Variants in KCNA4 observed in about 807,000 individuals in gnomAD.
KCNA4 encodes potassium voltage-gated channel subfamily A member 4.
KCNA4 carries 5 observed loss-of-function variants against 37.2 expected under a neutral mutation model. The observed-to-expected ratio is 0.13, with a 90% CI of 0.07 to 0.28. The LOEUF is 0.28. Ranked by LOEUF, KCNA4 falls within the 10% of genes least tolerant of loss-of-function variation. The pLI is 1.00. For missense variants in KCNA4, 634 were observed against 817.4 expected (o/e 0.78, Z 2.74); for synonymous variants, 350 against 311.8 (o/e 1.12, Z -1.29).
intron 1 of KCNA4, among the ~76,000 whole-genome samples, chr11:30,016,037 G>A (rs1246257321): frequency 6.6e-6 from 1 of 152,076 alleles, no homozygotes; most frequent in Non-Finnish European, 1.5e-5. Flanking sequence ...GAGAAACTGA[G>A]AGAGGGAATC....
rs1331393730 is a variant in KCNA4, at chr11:30,013,403, G to C, written c.-725C>G. 6.0e-6 allele frequency: 1 copy of C among 167,000 alleles called. No individual in the cohort carries two copies. The highest frequency in any genetic ancestry group is 1.5e-5 in the Non-Finnish European group (1 of 68,124). The allele number at this position is 167,000 out of a possible 1,614,324, so 10.3% of individuals were successfully genotyped here. On this transcript the variant is annotated 5_prime_UTR_variant, in exon 2 of 2. Coordinates refer to ENST00000328224, the MANE Select transcript of KCNA4 (RefSeq NM_002233.4). ...CAAAACCAGCTCTGAGGTCTCCATA[G>C]AAATCAAGGAAATGCAGAGCATTCT...
At chr11:30,013,858 T>C (rs1163435109) in intron 1 of KCNA4, among the ~76,000 whole-genome samples, 3 of 152,174 alleles carry the variant, frequency 2.0e-5, no homozygotes, top group Non-Finnish European at 4.4e-5. Context: ...AGGCAATTTT[T>C]AAAATTTCCA....
At position 30,012,742 on chromosome 11, in the gene KCNA4, C is replaced by G; in HGVS notation, c.-64G>C. The G allele has an allele frequency of 1.3e-6, 2 of 1,505,680 alleles. No individual in the cohort carries two copies. Among genetic ancestry groups the G allele is most frequent in the Non-Finnish European group, 8.9e-7 (1 of 1,126,780 alleles). The allele number at this position is 1,505,680 out of a possible 1,614,324, so 93.3% of individuals were successfully genotyped here. On this transcript the variant is annotated 5_prime_UTR_variant, in exon 2 of 2. Transcript: ENST00000328224. ...AGAAGAAGAAAGAAAAATAGGGCAG[C>G]TTCTTTTCTCACCAAATTAAGGTAA...
At chr11:30,013,485 T>C (rs745740909) in intron 1 of KCNA4, 25 bp from the exon 2 acceptor site, 1 of 164,306 alleles carries the variant, frequency 6.1e-6, no homozygotes, top group African/African-American at 2.4e-5. Flanking sequence ...GAAAGAAGCA[T>C]AGGAGAAAAA....
chr11:30,012,050 T>G lies in KCNA4; in HGVS notation c.629A>C (p.Gln210Pro), dbSNP rs761742213. 3 of 1,614,200 alleles carry G rather than the reference T, an allele frequency of 1.9e-6. No individual in the cohort carries two copies. In the South Asian group the frequency reaches 3.3e-5, roughly 18 times the overall value. The change falls in exon 2 of 2, where the codon CAG becomes CCG. Residue 210 changes from glutamine to proline, a missense_variant. Gln to Pro is a moderately conservative substitution (Grantham distance 76, BLOSUM62 -1). Around this residue, in one of 8 missense-constraint regions of KCNA4, gnomAD observed 252 missense variants for 344.2 expected, o/e 0.73. Coordinates refer to ENST00000328224, the MANE Select transcript of KCNA4 (RefSeq NM_002233.4). The stretch of plus-strand genomic sequence containing the variant: ...CTCATTGCGCAAAGGGTCAAAGTAC[T>G]GAGTCCTCTTTTCAGGGTCTCCCAA... ...TLLGDPEKRT[Q>P]YFDPLRNEYF...
In KCNA4 at chr11:30,010,788, C is replaced by T. The variant is rs762072287; in HGVS notation, c.1891G>A (p.Gly631Arg). Residue 631 changes from glycine to arginine, a missense_variant, in exon 2 of 2, where the codon GGA becomes AGA. Transcript: ENST00000328224. ...SLCAKEEKCQ[G>R]KGDDSETDKN... ...TCTGTCTCACTGTCATCCCCCTTTC[C>T]CTGACACTTCTCCTCCTTTGCACAC... 1.2e-6 allele frequency: 2 copies of T among 1,614,184 alleles called. No individual in the cohort carries two copies. Among genetic ancestry groups the T allele is most frequent in the Non-Finnish European group, 1.7e-6 (2 of 1,180,034 alleles).
At chr11:30,016,035 G>A (rs1205711014) in intron 1 of KCNA4, among the ~76,000 whole-genome samples, 1 of 151,998 alleles carries the variant, frequency 6.6e-6, no homozygotes, top group Non-Finnish European at 1.5e-5. Flanking sequence ...GAGAGAAACT[G>A]AGAGAGGGAA....
At position 30,010,678 on chromosome 11, in the gene KCNA4, G is replaced by A. The variant is rs1850294406; in HGVS notation, c.*39C>T. ...CACTCTCTATGCATAAATATATTTGGAGATGCTGAGGGGGGAGCAGTGGCA... is the reference window on the plus strand; with the variant it reads ...CACTCTCTATGCATAAATATATTTGAAGATGCTGAGGGGGGAGCAGTGGCA... On this transcript the variant is annotated 3_prime_UTR_variant, in exon 2 of 2. Coordinates refer to ENST00000328224, the MANE Select transcript of KCNA4 (RefSeq NM_002233.4). The A allele has an allele frequency of 1.3e-6, 2 of 1,552,278 alleles. No individual in the cohort carries two copies. The highest frequency in any genetic ancestry group is 1.7e-6 in the Non-Finnish European group (2 of 1,154,254).
intron 1 of KCNA4, 36 bp from the exon 2 acceptor site, chr11:30,013,496 TA>T: frequency 1.2e-5 from 2 of 162,758 alleles, no homozygotes. Flanking sequence ...AGGAGAAAAA[TA>T]AAAAGGAAAC....
rs1364807757 is a variant in KCNA4 at position 30,012,170 on chromosome 11, C to T, written c.509G>A (p.Arg170His). ...CACACGTTCACAACAGTCACTGTAGCGGACTGAACTGTAGCCGCCACCGCC... is the reference window on the plus strand; with the variant it reads ...CACACGTTCACAACAGTCACTGTAGTGGACTGAACTGTAGCCGCCACCGCC... ...DEGGGGYSSV[R>H]YSDCCERVVI... The change falls in exon 2 of 2, where the codon CGC (arginine) becomes CAC (histidine). Residue 170 changes from arginine (R) to histidine (H), a missense_variant. By Grantham distance (29) the Arg-to-His change is conservative. This residue lies in a region of KCNA4 where 236 missense variants were observed against 229.5 expected (regional missense o/e 1.03). Coordinates refer to ENST00000328224, the MANE Select transcript of KCNA4 (RefSeq NM_002233.4). The T allele has an allele frequency of 3.7e-6, 6 of 1,614,000 alleles. No homozygotes were observed. Among genetic ancestry groups the T allele is most frequent in the Admixed American group, 3.3e-5 (2 of 60,012 alleles).
Position 30,012,612 on chromosome 11 carries a change from C to T in KCNA4, c.67G>A (p.Ala23Thr), listed in dbSNP as rs1438778471. 1 of 1,606,982 alleles carries T rather than the reference C, an allele frequency of 6.2e-7. No homozygotes were observed. The highest frequency in any genetic ancestry group is 1.7e-5 in the Admixed American group (1 of 59,786). The change falls in exon 2 of 2, where the codon GCC becomes ACC. Residue 23 changes from alanine (A) to threonine (T), a missense_variant. Ala to Thr is a moderately conservative substitution (Grantham distance 58, BLOSUM62 0). Around this residue, in one of 8 missense-constraint regions of KCNA4, gnomAD observed 236 missense variants for 229.5 expected, o/e 1.03. Coordinates refer to ENST00000328224, the MANE Select transcript of KCNA4 (RefSeq NM_002233.4). ...CNSHMPYGYA[A>T]QARARERERL... ...TCCCGCTCCCGGGCCCGGGCCTGGG[C>T]AGCATAACCATAAGGCATGTGACTG...
rs753020949 is a variant in KCNA4, at chr11:30,012,470, G to T, written c.209C>A (p.Ala70Asp). The change falls in exon 2 of 2, where the codon GCC becomes GAC. Residue 70 changes from alanine to aspartate, a missense_variant. This residue lies in a region of KCNA4 where 236 missense variants were observed against 229.5 expected (regional missense o/e 1.03). Coordinates refer to ENST00000328224, the MANE Select transcript of KCNA4 (RefSeq NM_002233.4). ...GSHHHHQSRGACTSHDPQSSR... is the reference protein window; with the variant it reads ...GSHHHHQSRGDCTSHDPQSSR... ...GCTCTGAGGGTCATGGGAGGTACAG[G>T]CCCCGCGTGACTGGTGGTGGTGGTG... 2.9e-5 allele frequency: 47 copies of T among 1,611,774 alleles called. No individual in the cohort carries two copies. The Admixed American group carries it at 6.8e-4, about 23-fold the overall frequency.
chr11:30,012,937 G>C lies in KCNA4; in HGVS notation c.-259C>G. 5.0e-6 allele frequency: 2 copies of C among 401,682 alleles called. No homozygotes were observed. Among genetic ancestry groups the C allele is most frequent in the East Asian group, 8.3e-5 (2 of 24,070 alleles). The allele number at this position is 401,682 out of a possible 1,614,324, so 24.9% of individuals were successfully genotyped here. ...AATAGCCTGGCACTCTCAAGACTAA[G>C]AAGTCCGAAAATGCTGGAGTCTCTC... On this transcript the variant is annotated 5_prime_UTR_variant, in exon 2 of 2. Coordinates refer to ENST00000328224, the MANE Select transcript of KCNA4 (RefSeq NM_002233.4).
At position 30,012,217 on chromosome 11, in the gene KCNA4, C is replaced by T. The variant is rs75865707; in HGVS notation, c.462G>A (p.Thr154=). ...EDDHGDECSY[T]DLLPQDEGGG... is the part of the protein sequence containing the mutation. ...CGCCCTCATCCTGAGGCAGCAGATC[C>T]GTGTAGGAACACTCATCACCATGGT... Residue 154 remains threonine (T), a synonymous_variant, in exon 2 of 2, where the codon ACG becomes ACA. Coordinates refer to ENST00000328224, the MANE Select transcript of KCNA4 (RefSeq NM_002233.4). 1,390 of 1,614,116 alleles carry T rather than the reference C, an allele frequency of 8.6e-4. 15 individuals are homozygous for T. In the Admixed American group the frequency reaches 0.019, roughly 22 times the overall value.
rs746714742 is a variant in KCNA4, at chr11:30,011,662, G to A, written c.1017C>T (p.Val339=). The A allele has an allele frequency of 1.9e-6, 3 of 1,614,098 alleles. No individual in the cohort carries two copies. The highest frequency in any genetic ancestry group is 2.2e-5 in the East Asian group (1 of 44,862). ...LPEFRDDRDL[V]MALSAGGHGG... is the part of the protein sequence containing the mutation. ...CATGCCCGCCAGCACTCAGTGCCAT[G>A]ACGAGATCCCTGTCGTCCCTAAACT... The change falls in exon 2 of 2, where the codon GTC becomes GTT. Residue 339 remains valine (V), a synonymous_variant. Transcript: ENST00000328224. The surrounding 1 kb of genome is among the most constrained non-coding windows in gnomAD (Gnocchi z 5.6).
At chr11:30,014,887 G>A (rs1554929216) in intron 1 of KCNA4, among the ~76,000 whole-genome samples, 2 of 152,090 alleles carry the variant, frequency 1.3e-5, no homozygotes, top group African/African-American at 2.4e-5. Context: ...TCTATTACTG[G>A]AAGCACTTGG....
rs1850290999 is a variant in KCNA4, at chr11:30,010,332, T to TA, written c.*384dup. The TA allele has an allele frequency of 5.3e-6, 1 of 190,468 alleles. No individual in the cohort carries two copies. The allele number at this position is 190,468 out of a possible 1,614,324, so 11.8% of individuals were successfully genotyped here. A position where few individuals can be genotyped will look rare whatever the true frequency, so the allele number is the denominator to read the frequency against. On this transcript the variant is annotated 3_prime_UTR_variant, in exon 2 of 2. Transcript: ENST00000328224. ...GATTCATTAGTTCTTACATAGTAAA[T>TA]ACTTCAAAATGCCAACTTTTCCCTT...
At position 30,011,703 on chromosome 11, in the gene KCNA4, G is replaced by A; in HGVS notation, c.976C>T (p.Leu326=). 6.2e-7 allele frequency: 1 copy of A among 1,614,084 alleles called. No individual in the cohort carries two copies. ...TCCCTAAACTCAGGCAAGGTTTCCA[G>A]GCAAAAGATGACAATGGAGATTAAG... ...VILISIVIFC[L]ETLPEFRDDR... is the part of the protein sequence containing the mutation. Residue 326 remains leucine, a synonymous_variant, in exon 2 of 2, where the codon CTG becomes TTG. Transcript: ENST00000328224. This position sits in a 1 kb window ranked among gnomAD's most constrained non-coding sequence, Gnocchi z 5.6.
Position 30,012,451 on chromosome 11 carries a change from A to T in KCNA4, c.228T>A (p.Pro76=). ...TCCTCCGACTACCCCGGCTGCTCTG[A>T]GGGTCATGGGAGGTACAGGCCCCGC... ...QSRGACTSHD[P]QSSRGSRRRR... The change falls in exon 2 of 2, where the codon CCT becomes CCA. Residue 76 remains proline, a synonymous_variant. Coordinates refer to ENST00000328224, the MANE Select transcript of KCNA4 (RefSeq NM_002233.4). 32 of 1,612,944 alleles carry T rather than the reference A, an allele frequency of 2.0e-5. No individual in the cohort carries two copies. Among genetic ancestry groups the T allele is most frequent in the Non-Finnish European group, 2.5e-5 (30 of 1,179,958 alleles).
Sources: allele counts gnomAD v4.1 joint callset (sites outside exome capture counted in the v4.1 genomes callset), GRCh38; gene constraint gnomAD v4.1.1; regional missense constraint gnomAD v4.1.1; non-coding constraint Gnocchi (gnomAD v3.1); transcripts MANE v1.5; gene names NCBI Gene and HGNC (gene_info 2026-07-23, HGNC 2026-07-21).